The following DPP6 variants were observed in gnomAD, a reference collection of about 807,000 sequenced individuals.
DPP6 encodes dipeptidyl peptidase like 6, also known as A-type potassium channel modulatory protein DPP6.
A neutral mutation model predicts 122.6 loss-of-function variants in DPP6; 69 were observed. That is an observed-to-expected ratio of 0.56 (90% CI 0.46 to 0.69). The LOEUF (loss-of-function observed/expected upper bound fraction) is 0.69, where lower values mean the gene tolerates loss of function less well. Among genes scored for constraint, DPP6 ranks in the 30% least tolerant of loss-of-function variants. DPP6 has a pLI of 0.00. For missense variants in DPP6, 928 were observed against 1,116.9 expected, an observed-to-expected ratio of 0.83 and a Z score of 2.41; for synonymous variants, 418 against 433.1, an observed-to-expected ratio of 0.97 and a Z score of 0.43.
chr7:154,390,720 G>T (rs925425677), intron 1 of DPP6, among the ~76,000 whole-genome samples: 1 of 152,028 alleles, frequency 6.6e-6, no homozygotes, highest in Non-Finnish European at 1.5e-5. Context: ...GGCCATCGCC[G>T]CCGTCTTCTC....
chr7:153,767,358 AAGTG>A, the DPP6 span, among the ~76,000 whole-genome samples: 203 of 152,200 alleles, frequency 1.3e-3, no homozygotes, highest in African/African-American at 4.5e-3. Context: ...ACTTTCAAAA[AAGTG>A]AGAAACTTTT....
chr7:154,510,604 C>A (rs1390947455), intron 3 of DPP6, among the ~76,000 whole-genome samples: 1 of 151,404 alleles, frequency 6.6e-6, no homozygotes, highest in African/African-American at 2.4e-5. Context: ...GAGGATGAAG[C>A]AGGAGAATCG....
At chr7:153,944,582 G>A (rs576964804) in intron 1 of DPP6, among the ~76,000 whole-genome samples, 3 of 152,192 alleles carry the variant, frequency 2.0e-5, no homozygotes, top group East Asian at 1.9e-4. Context: ...AGGAGGAGGC[G>A]GGTGTGGTGG....
At chr7:154,368,525 A>T (rs928722475) in intron 1 of DPP6, among the ~76,000 whole-genome samples, 4 of 152,208 alleles carry the variant, frequency 2.6e-5, no homozygotes, top group African/African-American at 7.2e-5. Context: ...GCCACGAAAC[A>T]TCTCACTTTT....
At chr7:154,010,522 A>T (rs533418015) in intron 1 of DPP6, among the ~76,000 whole-genome samples, 5 of 152,256 alleles carry the variant, frequency 3.3e-5, no homozygotes, top group Non-Finnish European at 7.3e-5. Context: ...TAATGAGCTC[A>T]TCTACGTGCA....
In DPP6 at chr7:154,241,219, G is replaced by GTGTA. The variant is rs1444102599; in HGVS notation, c.243+188157_243+188158insGTAT. ...TGTGTGTGTGTGTGTGTGTGTGTGT[G>GTGTA]TATATATATATAGAGAGAGAGAGAG... On this transcript the variant is annotated intron_variant, in intron 1 of 25. Transcript: ENST00000377770. This position sits in a 1 kb window ranked among gnomAD's most constrained non-coding sequence, Gnocchi z 9.0. Among the ~76,000 whole-genome samples, 122 of 142,868 alleles carry GTGTA rather than the reference G, an allele frequency of 8.5e-4. 1 individual carries two copies. Among genetic ancestry groups the GTGTA allele is most frequent in the African/African-American group, 3.1e-3 (107 of 34,682 alleles). The allele number at this position is 142,868 out of a possible 152,430, so 93.7% of individuals were successfully genotyped here. A position where few individuals can be genotyped will look rare whatever the true frequency, so the allele number is the denominator to read the frequency against.
intron 5 of DPP6, among the ~76,000 whole-genome samples, chr7:154,580,762 G>A (rs1563887870): frequency 6.6e-6 from 1 of 152,186 alleles, no homozygotes; most frequent in Non-Finnish European, 1.5e-5. Context: ...AGAGAGGAAT[G>A]GGGAGAACCT....
intron 16 of DPP6, among the ~76,000 whole-genome samples, chr7:154,851,720 A>G (rs1398123108): frequency 9.9e-5 from 15 of 152,164 alleles, no homozygotes; most frequent in Non-Finnish European, 2.1e-4. Flanking sequence ...ACCACAGATA[A>G]TTTTTTTGTA....
At chr7:154,012,673 T>G (rs1193806379) in intron 1 of DPP6, among the ~76,000 whole-genome samples, 1 of 152,164 alleles carries the variant, frequency 6.6e-6, no homozygotes, top group African/African-American at 2.4e-5. Context: ...CCTTTTCATT[T>G]AAATCATTGA....
rs1313947373 is a variant in DPP6 at position 154,484,000 on chromosome 7, AATTT to A, written c.457+8964_457+8967del. Among the ~76,000 whole-genome samples the A allele has an allele frequency of 6.6e-6, 1 of 152,092 alleles. No homozygotes were observed. The highest frequency in any genetic ancestry group is 1.5e-5 in the Non-Finnish European group (1 of 68,006). ...GAGCCACCACGCCCGGCCCAGGTTA[AATTT>A]TATTTATGTTTGCAATTCACACAAG... is the stretch of plus-strand genomic sequence containing the variant. On this transcript the variant is annotated intron_variant, in intron 3 of 25. Transcript: ENST00000377770. The surrounding 1 kb of genome is among the most constrained non-coding windows in gnomAD (Gnocchi z 8.1).
intron 17 of DPP6, among the ~76,000 whole-genome samples, chr7:154,865,150 C>G (rs1366951388): frequency 2.6e-5 from 4 of 152,184 alleles, no homozygotes; most frequent in African/African-American, 9.7e-5. Flanking sequence ...CAGCTGAAGC[C>G]CTTTCTGGGA....
At chr7:154,548,053 A>T (rs1388100606) in intron 4 of DPP6, among the ~76,000 whole-genome samples, 4 of 151,292 alleles carry the variant, frequency 2.6e-5, no homozygotes, top group African/African-American at 9.7e-5. Flanking sequence ...TACTAAAAAT[A>T]AAAAAATTAG....
intron 1 of DPP6, among the ~76,000 whole-genome samples, chr7:154,037,453 T>TA (rs1176701132): frequency 1.3e-5 from 2 of 148,776 alleles, no homozygotes; most frequent in Non-Finnish European, 3.0e-5. Context: ...GAGTTGTTTT[T>TA]AAAAAATTAC....
intron 1 of DPP6, among the ~76,000 whole-genome samples, chr7:154,424,685 A>C (rs2151237033): frequency 6.6e-6 from 1 of 152,230 alleles, no homozygotes; most frequent in South Asian, 2.1e-4. Context: ...AGGTTCTGGG[A>C]ATTAGGATTT....
chr7:153,861,718 C>G, the DPP6 span, among the ~76,000 whole-genome samples: 13 of 152,188 alleles, frequency 8.5e-5, no homozygotes, highest in African/African-American at 2.9e-4. Context: ...GATTTCTTCC[C>G]AGCACCAAGA....
At chr7:154,513,270 TC>T (rs1300035501) in intron 3 of DPP6, among the ~76,000 whole-genome samples, 2 of 152,182 alleles carry the variant, frequency 1.3e-5, no homozygotes, top group Non-Finnish European at 1.5e-5. Context: ...ATAACGAATG[TC>T]CAACAGAACT....
intron 10 of DPP6, among the ~76,000 whole-genome samples, chr7:154,786,938 C>A (rs1390852561): frequency 6.6e-6 from 1 of 152,162 alleles, no homozygotes; most frequent in Non-Finnish European, 1.5e-5. Context: ...TGCAAGTGTC[C>A]AGGTTGCTGT....
intron 1 of DPP6, among the ~76,000 whole-genome samples, chr7:153,959,517 G>A (rs1461622514): frequency 6.6e-6 from 1 of 152,248 alleles, no homozygotes; most frequent in Non-Finnish European, 1.5e-5. Context: ...TTCTCCATCA[G>A]CACTTGCTGC....
chr7:154,571,013 G>T (rs1401238805), intron 5 of DPP6, among the ~76,000 whole-genome samples: 1 of 152,102 alleles, frequency 6.6e-6, no homozygotes, highest in African/African-American at 2.4e-5. Context: ...TATCTCAAAA[G>T]ATCATTCCTG....
Sources: gnomAD v4.1 joint callset for allele counts (sites outside exome capture counted in the v4.1 genomes callset) on GRCh38, gnomAD v4.1.1 for gene constraint, Gnocchi (gnomAD v3.1) non-coding constraint, MANE v1.5 for transcripts, NCBI Gene and HGNC (gene_info 2026-07-23, HGNC 2026-07-21) for gene names.